Variants in HMBOX1 observed in about 807,000 individuals in gnomAD.
HMBOX1 encodes the protein homeobox containing 1.
Under a neutral mutation model 54.5 loss-of-function variants are expected in HMBOX1, and 14 were observed. The ratio of observed to expected loss-of-function variants is 0.26; its 90% CI spans 0.17 to 0.40. The LOEUF is 0.40. Among genes scored for constraint, HMBOX1 ranks in the 10% least tolerant of loss-of-function variants. The pLI, the probability that HMBOX1 is intolerant of heterozygous loss-of-function variation, is 1.00. For missense variants in HMBOX1, 332 were observed against 514.4 expected (o/e 0.65, Z 3.43); for synonymous variants, 160 against 181.0 (o/e 0.88, Z 0.93).
At chr8:28,983,418 A>G (rs770488872) in intron 4 of HMBOX1, among the ~76,000 whole-genome samples, 7 of 152,254 alleles carry the variant, frequency 4.6e-5, no homozygotes, top group Middle Eastern at 3.4e-3. Flanking sequence ...TCCTCATCTC[A>G]GCCTTATGAA....
intron 1 of HMBOX1, among the ~76,000 whole-genome samples, chr8:28,939,312 A>G (rs1283558324): frequency 6.6e-6 from 1 of 151,684 alleles, no homozygotes. Context: ...AGAAAAAAGG[A>G]AAGAACAAAA....
intron 5 of HMBOX1, among the ~76,000 whole-genome samples, chr8:29,016,457 CT>C (rs1209291577): frequency 6.6e-6 from 1 of 152,168 alleles, no homozygotes; most frequent in African/African-American, 2.4e-5. Flanking sequence ...AAATAAACAA[CT>C]GAGGATGATT....
At chr8:29,029,353 A>G (rs1036856791) in intron 6 of HMBOX1, among the ~76,000 whole-genome samples, 4 of 152,198 alleles carry the variant, frequency 2.6e-5, no homozygotes, top group African/African-American at 7.2e-5. Context: ...ATACTTATAA[A>G]TCCTTTCTAA....
At chr8:28,981,480 G>A (rs1251764102) in intron 4 of HMBOX1, among the ~76,000 whole-genome samples, 1 of 152,222 alleles carries the variant, frequency 6.6e-6, no homozygotes, top group Non-Finnish European at 1.5e-5. Context: ...ACTCACTGAT[G>A]TGGACTTTGA....
At chr8:28,934,430 A>C (rs921718975) in intron 1 of HMBOX1, among the ~76,000 whole-genome samples, 7 of 152,206 alleles carry the variant, frequency 4.6e-5, no homozygotes, top group Admixed American at 2.6e-4. Context: ...TGCAGGTACT[A>C]CTGCTATTCA....
chr8:29,032,746 G>A (rs1803203033), intron 6 of HMBOX1, among the ~76,000 whole-genome samples: 1 of 152,146 alleles, frequency 6.6e-6, no homozygotes, highest in African/African-American at 2.4e-5. Context: ...TGATATTACA[G>A]AGTGTCACTT....
intron 1 of HMBOX1, among the ~76,000 whole-genome samples, chr8:28,936,047 T>A (rs1820351213): frequency 6.6e-6 from 1 of 152,140 alleles, no homozygotes; most frequent in South Asian, 2.1e-4. Context: ...ATTTAATGTA[T>A]CATCATCACC....
intron 6 of HMBOX1, among the ~76,000 whole-genome samples, chr8:29,019,446 A>G (rs1489996010): frequency 5.3e-5 from 8 of 152,170 alleles, no homozygotes; most frequent in African/African-American, 1.2e-4. Flanking sequence ...CGTAGCTTCA[A>G]TTTTCCTATC....
At chr8:29,002,337 G>A (rs1167457145) in intron 4 of HMBOX1, among the ~76,000 whole-genome samples, 4 of 152,156 alleles carry the variant, frequency 2.6e-5, no homozygotes, top group African/African-American at 9.7e-5. Context: ...GAGAGAAGGA[G>A]ACGAAGGCAG....
chr8:28,982,053 C>T (rs747115170), intron 4 of HMBOX1, among the ~76,000 whole-genome samples: 23 of 152,042 alleles, frequency 1.5e-4, no homozygotes, highest in African/African-American at 2.4e-4. Context: ...CTGGCTAACA[C>T]GGTGAAACTC....
chr8:28,976,354 G>C (rs1398163181), intron 3 of HMBOX1, among the ~76,000 whole-genome samples: 3 of 152,158 alleles, frequency 2.0e-5, no homozygotes, highest in Admixed American at 1.3e-4. Context: ...TCATTGCTAG[G>C]AGACAAATTT....
intron 3 of HMBOX1, among the ~76,000 whole-genome samples, chr8:28,973,820 T>TGTTTTTTG (rs1827905952): frequency 7.5e-6 from 1 of 132,932 alleles, no homozygotes; most frequent in African/African-American, 3.0e-5. Context: ...TTTTTTTTTT[T>TGTTTTTTG]TTTTTTTTTT....
At chr8:29,022,597 A>G (rs1801358920) in intron 6 of HMBOX1, among the ~76,000 whole-genome samples, 1 of 152,210 alleles carries the variant, frequency 6.6e-6, no homozygotes, top group Non-Finnish European at 1.5e-5. Flanking sequence ...AGTACTATGC[A>G]GCTAAAGAAC....
At chr8:28,954,422 C>T (rs1824037632) in intron 1 of HMBOX1, among the ~76,000 whole-genome samples, 1 of 152,132 alleles carries the variant, frequency 6.6e-6, no homozygotes, top group Non-Finnish European at 1.5e-5. Flanking sequence ...TTGCTTGCTG[C>T]CTGTGCCACC....
chr8:28,892,912 A>C (rs983365), intron 1 of HMBOX1, among the ~76,000 whole-genome samples: 91,097 of 151,932 alleles, frequency 0.6, 27,890 homozygotes, highest in East Asian at 0.7. Flanking sequence ...TAACTACTTA[A>C]CGGAGTGTTT....
chr8:28,995,148 C>T lies in HMBOX1; in HGVS notation c.587-13924C>T, dbSNP rs1280924209. Among the ~76,000 whole-genome samples the T allele has an allele frequency of 1.2e-4, 19 of 152,304 alleles. No homozygotes were observed. In the South Asian group the frequency reaches 3.7e-3, roughly 30 times the overall value. On this transcript the variant is annotated intron_variant, in intron 4 of 9. Transcript: ENST00000287701. ...GTCTAACATAGAAACCCATGCCCAT[C>T]AGCAGTAATTTCCAGTCCCCCAGTC...
chr8:28,893,609 T>G (rs111929346), intron 1 of HMBOX1, among the ~76,000 whole-genome samples: 134 of 152,312 alleles, frequency 8.8e-4, no homozygotes, highest in African/African-American at 3.1e-3. Flanking sequence ...CTAGCCCAAA[T>G]CCTCAGTTAA....
intron 6 of HMBOX1, among the ~76,000 whole-genome samples, chr8:29,040,424 T>C (rs1376785896): frequency 6.6e-6 from 1 of 152,182 alleles, no homozygotes; most frequent in Admixed American, 6.5e-5. Context: ...AGTTTTGCAG[T>C]AAAAAAATCT....
chr8:28,904,897 G>A (rs1028945802), intron 1 of HMBOX1, among the ~76,000 whole-genome samples: 3 of 151,594 alleles, frequency 2.0e-5, no homozygotes, highest in East Asian at 3.9e-4. Context: ...CGATGGTCTC[G>A]ATCTCCTGAC....
Sources: gnomAD v4.1 joint callset for allele counts (sites outside exome capture counted in the v4.1 genomes callset) on GRCh38, gnomAD v4.1.1 for gene constraint, MANE v1.5 for transcripts, NCBI Gene and HGNC (gene_info 2026-07-23, HGNC 2026-07-21) for gene names.